The following TBCK variants were observed in gnomAD, a reference collection of about 807,000 sequenced individuals.
TBCK encodes TBC domain-containing protein kinase-like protein.
Under a neutral mutation model 113.4 loss-of-function variants are expected in TBCK, and 99 were observed. That is an observed-to-expected ratio of 0.87 (90% CI 0.74 to 1.03). The LOEUF is 1.03. Among genes scored for constraint, TBCK ranks in the 50% least tolerant of loss-of-function variants. The pLI, the probability that TBCK is intolerant of heterozygous loss-of-function variation, is 0.00. For missense variants in TBCK, 1,045 were observed against 1,061.3 expected (o/e 0.98, Z 0.21); for synonymous variants, 369 against 370.8 (o/e 1.00, Z 0.05).
At chr4:106,260,583 ATTATCATTATACATTTTATAACT>A in intron 4 of TBCK, 73 bp from the exon 5 acceptor site, 1 of 478,718 alleles carries the variant, frequency 2.1e-6, no homozygotes. Flanking sequence ...ATATTATAAA[ATTATCATTATACATTTTATAACT>A]AAAGAAACCA....
chr4:106,316,594 T>C, upstream of TBCK: 12 of 1,551,506 alleles, frequency 7.7e-6, no homozygotes, highest in South Asian at 2.4e-5. Context: ...CTCCGCTTCA[T>C]GTGAGTGACG....
rs564025109 is a variant in TBCK at position 106,237,800 on chromosome 4, AT to A, written c.1171-993del. 1.1e-4 allele frequency among the ~76,000 whole-genome samples: 17 copies of A among 152,150 alleles called. 1 individual carries two copies. The South Asian group carries it at 3.5e-3, about 32-fold the overall frequency. On this transcript the variant is annotated intron_variant, in intron 12 of 25. Coordinates refer to ENST00000394708, the MANE Select transcript of TBCK (RefSeq NM_001163435.3). ...TTAAAATTTTAAGTTAGGAAATAAAATTTTCCCAAGTTTTACTGCATTATTA... is the reference window on the plus strand; with the variant it reads ...TTAAAATTTTAAGTTAGGAAATAAAATTTCCCAAGTTTTACTGCATTATTA...
intron 20 of TBCK, among the ~76,000 whole-genome samples, chr4:106,209,909 C>A (rs1365541626): frequency 6.6e-6 from 1 of 151,810 alleles, no homozygotes; most frequent in Non-Finnish European, 1.5e-5. Flanking sequence ...TACATTCTTT[C>A]TATGTTCTTT....
intron 25 of TBCK, among the ~76,000 whole-genome samples, chr4:106,079,785 A>G (rs1258974319): frequency 1.3e-5 from 2 of 152,194 alleles, no homozygotes; most frequent in Non-Finnish European, 2.9e-5. Flanking sequence ...ATTGGCTCAC[A>G]GTTCTGCAGG....
Position 106,230,229 on chromosome 4 carries a change from C to T in TBCK, c.1774+134G>A, listed in dbSNP as rs932208503. 6.8e-6 allele frequency: 3 copies of T among 438,846 alleles called. No individual in the cohort carries two copies. The Admixed American group carries it at 1.2e-4, about 18-fold the overall frequency. The allele number at this position is 438,846 out of a possible 1,614,324, so 27.2% of individuals were successfully genotyped here. ...GAGGAAAGACTGAACTTTCTAATTT[C>T]TCTTTATGGATTTTATTGGATGGAC... On this transcript the variant is annotated intron_variant, in intron 19 of 25. Coordinates refer to ENST00000394708, the MANE Select transcript of TBCK (RefSeq NM_001163435.3).
At chr4:106,062,648 G>A (rs1269937362) in intron 25 of TBCK, among the ~76,000 whole-genome samples, 1 of 151,850 alleles carries the variant, frequency 6.6e-6, no homozygotes, top group Admixed American at 6.6e-5. Flanking sequence ...TTCTTATTCA[G>A]CCACAGACAT....
intron 23 of TBCK, among the ~76,000 whole-genome samples, chr4:106,147,975 C>T (rs549470607): frequency 6.6e-6 from 1 of 152,126 alleles, no homozygotes; most frequent in Non-Finnish European, 1.5e-5. Flanking sequence ...TCTGAACTGG[C>T]CCCCCTGGGC....
At chr4:106,181,381 C>G (rs1752362480) in intron 22 of TBCK, among the ~76,000 whole-genome samples, 1 of 152,150 alleles carries the variant, frequency 6.6e-6, no homozygotes, top group Non-Finnish European at 1.5e-5. Flanking sequence ...AATTAGATCC[C>G]ATTTGTCAAT....
At chr4:106,127,795 AT>A (rs145615092) in intron 23 of TBCK, among the ~76,000 whole-genome samples, 1 of 152,102 alleles carries the variant, frequency 6.6e-6, no homozygotes, top group African/African-American at 2.4e-5. Context: ...GCCAAGCACA[AT>A]TTTTTTCCAA....
intron 2 of TBCK, among the ~76,000 whole-genome samples, chr4:106,296,352 G>A (rs1312749306): frequency 1.3e-5 from 2 of 152,076 alleles, no homozygotes; most frequent in Admixed American, 1.3e-4. Context: ...CACAAAGACT[G>A]AGACTAGATA....
At chr4:106,299,650 A>AT (rs1766709091) in intron 2 of TBCK, among the ~76,000 whole-genome samples, 1 of 152,142 alleles carries the variant, frequency 6.6e-6, no homozygotes, top group African/African-American at 2.4e-5. Context: ...AATATGAACC[A>AT]TTTTTTTAAA....
At chr4:106,061,758 T>C (rs569647021) in intron 25 of TBCK, among the ~76,000 whole-genome samples, 1 of 151,812 alleles carries the variant, frequency 6.6e-6, no homozygotes, top group South Asian at 2.1e-4. Context: ...TCCGTTATCC[T>C]TTCCTTAATC....
chr4:106,241,144 TTACA>T (rs1760073218), intron 12 of TBCK, among the ~76,000 whole-genome samples: 1 of 151,876 alleles, frequency 6.6e-6, no homozygotes, highest in Non-Finnish European at 1.5e-5. Flanking sequence ...ATACTCATAC[TTACA>T]TATATATATA....
chr4:106,216,534 T>C (rs1756948992), intron 19 of TBCK, among the ~76,000 whole-genome samples: 1 of 151,474 alleles, frequency 6.6e-6, no homozygotes, highest in African/African-American at 2.4e-5. Context: ...ATAAAGGGGA[T>C]ATCACCACCG....
chr4:106,055,395 A>G (rs1735268242), intron 25 of TBCK, among the ~76,000 whole-genome samples: 1 of 151,658 alleles, frequency 6.6e-6, no homozygotes, highest in African/African-American at 2.4e-5. Flanking sequence ...AAATCTCATA[A>G]GGATTAAAGG....
chr4:106,292,036 C>T (rs931940108), intron 3 of TBCK, among the ~76,000 whole-genome samples: 1 of 152,118 alleles, frequency 6.6e-6, no homozygotes, highest in Non-Finnish European at 1.5e-5. Context: ...CAGAACTATT[C>T]AAGTCTTTGA....
At chr4:106,291,467 A>G (rs1396967605) in intron 3 of TBCK, among the ~76,000 whole-genome samples, 1 of 152,236 alleles carries the variant, frequency 6.6e-6, no homozygotes, top group Non-Finnish European at 1.5e-5. Flanking sequence ...ACATTCTCCA[A>G]GTATGCTTTG....
At chr4:106,074,106 C>T (rs1369329876) in intron 25 of TBCK, among the ~76,000 whole-genome samples, 1 of 152,180 alleles carries the variant, frequency 6.6e-6, no homozygotes, top group Non-Finnish European at 1.5e-5. Flanking sequence ...TCAGCTTGCC[C>T]ATGGGCTGCA....
intron 5 of TBCK, among the ~76,000 whole-genome samples, chr4:106,259,020 A>C (rs1193061364): frequency 1.3e-5 from 2 of 151,930 alleles, no homozygotes; most frequent in Non-Finnish European, 2.9e-5. Context: ...CAGTCCATCA[A>C]AACAGAAAAT....
Sources: allele counts gnomAD v4.1 joint callset (sites outside exome capture counted in the v4.1 genomes callset), GRCh38; gene constraint gnomAD v4.1.1; transcripts MANE v1.5; gene names NCBI Gene and HGNC (gene_info 2026-07-23, HGNC 2026-07-21).